OBSL1: variants seen among roughly 807,000 people sequenced by gnomAD.
The protein encoded by OBSL1 is obscurin-like protein 1.
OBSL1 carries 160 observed loss-of-function variants against 172.0 expected under a neutral mutation model. That is an observed-to-expected ratio of 0.93 (90% CI 0.82 to 1.06). OBSL1 has a LOEUF of 1.06. Ranked by LOEUF, OBSL1 falls within the 50% of genes least tolerant of loss-of-function variation. The pLI is 0.00. For missense variants in OBSL1, 2,681 were observed against 2,715.4 expected (o/e 0.99, Z 0.28); for synonymous variants, 1,200 against 1,196.3 (o/e 1.00, Z -0.06).
chr2:219,550,285 C>T, downstream of OBSL1: 1 of 185,372 alleles, frequency 5.4e-6, no homozygotes, highest in Non-Finnish European at 1.1e-5. Flanking sequence ...TACCTTCCTT[C>T]CCATCGCCCT....
chr2:219,549,664 T>C, downstream of OBSL1: 1 of 1,599,822 alleles, frequency 6.3e-7, no homozygotes, highest in Non-Finnish European at 8.5e-7. Context: ...AAGAGGTGGC[T>C]TTTAGGGCAG....
intron 6 of OBSL1, 121 bp downstream of exon 6, chr2:219,565,121 T>C: frequency 9.8e-7 from 1 of 1,024,396 alleles, no homozygotes; most frequent in Non-Finnish European, 1.4e-6. Flanking sequence ...ACATGTCCCC[T>C]GGGCCACTGG....
At position 219,558,062 on chromosome 2, in the gene OBSL1, C is replaced by A. The variant is rs1367873213; in HGVS notation, c.3551G>T (p.Cys1184Phe). 7 of 1,613,586 alleles carry A rather than the reference C, an allele frequency of 4.3e-6. No homozygotes were observed. Among genetic ancestry groups the A allele is most frequent in the Non-Finnish European group, 3.4e-6 (4 of 1,179,882 alleles). ...CACCACTGGCTCCCCAGGGGCCACA[C>A]AGAGCGGGCTTGGAGTTGTCTCTAG... ...LALETTPSPL[C>F]VAPGEPVVLS... Residue 1184 changes from cysteine to phenylalanine, a missense_variant, in exon 11 of 21, where the codon TGT becomes TTT. Transcript: ENST00000404537.
chr2:219,559,377 T>C lies in OBSL1; in HGVS notation c.3074A>G (p.Asp1025Gly), dbSNP rs766102835. ...CTCGCTCTCCTCCACTTCCAGCCCA[T>C]CCTTGTACCAGCGCACAGGGGCATC... ...REDAPVRWYK[D>G]GLEVEESEAL... Residue 1025 changes from aspartate to glycine, a missense_variant, in exon 9 of 21, where the codon GAT becomes GGT. Asp to Gly is a moderately conservative substitution (Grantham distance 94). Around this residue, in one of 5 missense-constraint regions of OBSL1, gnomAD observed 1,765 missense variants for 1,748.3 expected, o/e 1.01. Coordinates refer to ENST00000404537, the MANE Select transcript of OBSL1 (RefSeq NM_015311.3). 3 of 1,613,956 alleles carry C rather than the reference T, an allele frequency of 1.9e-6. No homozygotes were observed. The South Asian group carries it at 3.3e-5, about 18-fold the overall frequency.
rs374217934 is a variant in OBSL1 at position 219,567,474 on chromosome 2, C to T, written c.1636G>A (p.Glu546Lys). Residue 546 changes from glutamate to lysine, a missense_variant, in exon 4 of 21, where the codon GAG (glutamate) becomes AAG (lysine). Physicochemically the swap from Glu to Lys is moderately conservative, Grantham distance 56. This residue lies in a region of OBSL1 where 706 missense variants were observed against 695.8 expected (regional missense o/e 1.01). Transcript: ENST00000404537. ...TCCAGCCGGTAGATGAATGGGGTCT[C>T]GGGAGCTGGCTCGGGAGGCTTCCAG... ...LTWKPPEPAP[E>K]TPFIYRLERQ... 1.1e-4 allele frequency: 175 copies of T among 1,613,450 alleles called. No homozygotes were observed. Among genetic ancestry groups the T allele is most frequent in the Non-Finnish European group, 1.3e-4 (154 of 1,179,716 alleles).
chr2:219,553,008 G>C lies in OBSL1; in HGVS notation c.5006C>G (p.Thr1669Arg), dbSNP rs1695747246. The change falls in exon 17 of 21, where the codon ACG (threonine) becomes AGG (arginine). Residue 1669 changes from threonine (T) to arginine (R), a missense_variant. This residue lies in a region of OBSL1 where 1,765 missense variants were observed against 1,748.3 expected (regional missense o/e 1.01). Coordinates refer to ENST00000404537, the MANE Select transcript of OBSL1 (RefSeq NM_015311.3). ...VTWEKDGNAL[T>R]PSPRLRLQAL... ...CTGGAGCCGGAGCCGCGGGCTAGGC[G>C]TAAGCGCGTTCCCGTCCTAGGGGCG... The C allele has an allele frequency of 6.6e-7, 1 of 1,518,006 alleles. No homozygotes were observed. The highest frequency in any genetic ancestry group is 1.2e-5 in the South Asian group (1 of 81,430). The allele number at this position is 1,518,006 out of a possible 1,614,324, so 94.0% of individuals were successfully genotyped here.
rs75909366 is a variant in OBSL1 at position 219,558,539 on chromosome 2, C to A, written c.3227-80G>T. ...CCTCACCCGCCAGATCCTCAGCCCT[C>A]CCCACTGGCAGCACAGCTCTTGAGA... On this transcript the variant is annotated intron_variant, in intron 9 of 20. Coordinates refer to ENST00000404537, the MANE Select transcript of OBSL1 (RefSeq NM_015311.3). 1.6e-3 allele frequency: 2,256 copies of A among 1,434,944 alleles called. 32 individuals are homozygous for A. The African/African-American group carries it at 0.027, about 17-fold the overall frequency. 88.9% of individuals were successfully genotyped at this position (1,434,944 alleles called of 1,614,324 possible). A position where few individuals can be genotyped will look rare whatever the true frequency, so the allele number is the denominator to read the frequency against.
chr2:219,552,566 G>A lies in OBSL1; in HGVS notation c.5278C>T (p.Pro1760Ser), dbSNP rs762906598. The A allele has an allele frequency of 1.3e-6, 2 of 1,595,880 alleles. No individual in the cohort carries two copies. Among genetic ancestry groups the A allele is most frequent in the East Asian group, 4.5e-5 (2 of 44,638 alleles). Residue 1760 changes from proline (P) to serine (S), a missense_variant, in exon 18 of 21, where the codon CCC becomes TCC. Coordinates refer to ENST00000404537, the MANE Select transcript of OBSL1 (RefSeq NM_015311.3). ...RWELGGRPLR[P>S]GARVRIRQEG... is the part of the protein sequence containing the mutation. ...TGTCGGATGCGGACGCGGGCTCCGG[G>A]TCTCAGCGGGCGGCCTCCGAGCTCC...
chr2:219,553,640 G>A lies in OBSL1; in HGVS notation c.4923C>T (p.Thr1641=), dbSNP rs768061606. ...ACTCGAACGTAGCTGTGTCGCCCTC[G>A]GTCACCTCTAGGTCGTGTGGCCCCC... ...IVRGPHDLEV[T]EGDTATFECE... Residue 1641 remains threonine (T), a synonymous_variant, in exon 16 of 21, where the codon ACC becomes ACT. Coordinates refer to ENST00000404537, the MANE Select transcript of OBSL1 (RefSeq NM_015311.3). 44 of 1,613,704 alleles carry A rather than the reference G, an allele frequency of 2.7e-5. No homozygotes were observed. The Admixed American group carries it at 3.2e-4, about 12-fold the overall frequency.
chr2:219,562,839 C>T (rs560669006), intron 7 of OBSL1, 165 bp from the exon 8 acceptor site: 32 of 715,446 alleles, frequency 4.5e-5, no homozygotes, highest in South Asian at 5.7e-5. Context: ...TAGAGACACA[C>T]GAATACAGCT....
intron 8 of OBSL1, chr2:219,562,072 C>T: frequency 1.4e-6 from 1 of 707,064 alleles, no homozygotes; most frequent in Non-Finnish European, 2.7e-6. Context: ...GTTTGCGACC[C>T]CTGGTTAACA....
chr2:219,548,008 C>A, downstream of OBSL1: 1 of 1,589,706 alleles, frequency 6.3e-7, no homozygotes, highest in Non-Finnish European at 8.5e-7. Context: ...TGCTGGCACT[C>A]TGGCCCCTGC....
rs758587168 is a variant in OBSL1 at position 219,558,184 on chromosome 2, C to T, written c.3502G>A (p.Glu1168Lys). The T allele has an allele frequency of 1.9e-5, 30 of 1,607,820 alleles. No individual in the cohort carries two copies. Among genetic ancestry groups the T allele is most frequent in the Non-Finnish European group, 8.5e-7 (1 of 1,175,294 alleles). ...EAITFNVILA[E>K]PPVQFLALET... ...CCCTGGGTTGGCCAGGAGCACCCAC[C>T]AGCCAGGATGACATTGAAGGTGATG... Residue 1168 changes from glutamate (E) to lysine (K), a missense_variant and splice_region_variant, in exon 10 of 21, where the codon GAG (glutamate) becomes AAG (lysine). Transcript: ENST00000404537.
downstream of OBSL1, chr2:219,549,923 C>G: frequency 6.4e-7 from 1 of 1,569,796 alleles, no homozygotes; most frequent in South Asian, 1.2e-5. Context: ...TAGGCTGCCA[C>G]TCAGCCTCCT....
downstream of OBSL1, chr2:219,547,658 G>T: frequency 1.3e-6 from 2 of 1,534,000 alleles, no homozygotes; most frequent in Non-Finnish European, 8.8e-7. Flanking sequence ...GCTGCTCTGC[G>T]GGCTGGTGGC....
chr2:219,557,451 C>A lies in OBSL1; in HGVS notation c.3958G>T (p.Ala1320Ser). The change falls in exon 12 of 21, where the codon GCC becomes TCC. Residue 1320 changes from alanine to serine, a missense_variant. Transcript: ENST00000404537. ...ACCCGCAGCACCTGCCTGGCCCCGG[C>A]CTGCTCCAGCTGCACCCGCCCCTGG... Reference protein sequence around the residue: ...ASQGRVQLEQAGARQVLRVQG... With the variant: ...ASQGRVQLEQSGARQVLRVQG... 1.9e-6 allele frequency: 3 copies of A among 1,548,700 alleles called. No individual in the cohort carries two copies. Among genetic ancestry groups the A allele is most frequent in the Non-Finnish European group, 2.6e-6 (3 of 1,147,160 alleles).
At position 219,552,871 on chromosome 2, in the gene OBSL1, G is replaced by C; in HGVS notation, c.5143C>G (p.Arg1715Gly). ...CTCCACATCACCCCGTACCCACCGC[G>C]CACGGTCAGGCGGACCGGTCCGGCG... ...ARAGPVRLTVRERTVAVLSEL... is the reference protein window; with the variant it reads ...ARAGPVRLTVGERTVAVLSEL... Residue 1715 changes from arginine to glycine, a missense_variant, in exon 17 of 21, where the codon CGC (arginine) becomes GGC (glycine). Around this residue, in one of 5 missense-constraint regions of OBSL1, gnomAD observed 1,765 missense variants for 1,748.3 expected, o/e 1.01. Transcript: ENST00000404537. 1 of 1,542,594 alleles carries C rather than the reference G, an allele frequency of 6.5e-7. No homozygotes were observed. The highest frequency in any genetic ancestry group is 1.4e-5 in the African/African-American group (1 of 72,376).
At position 219,567,335 on chromosome 2, in the gene OBSL1, A is replaced by T. The variant is rs757609176; in HGVS notation, c.1775T>A (p.Ile592Asn). 3.4e-5 allele frequency: 54 copies of T among 1,610,574 alleles called. No individual in the cohort carries two copies. The highest frequency in any genetic ancestry group is 4.3e-5 in the Non-Finnish European group (51 of 1,177,596). ...ACGGCCATGTCCGCTGACTGTGCAG[A>T]TGCGGAAGCGGTAGTCACCCTCGGA... ...VPSEGDYRFR[I>N]CTVSGHGRSP... The change falls in exon 4 of 21, where the codon ATC (isoleucine) becomes AAC (asparagine). Residue 592 changes from isoleucine to asparagine, a missense_variant. Ile to Asn is a moderately radical substitution (Grantham distance 149). Transcript: ENST00000404537.
chr2:219,547,312 A>G (rs930679232), downstream of OBSL1: 25 of 465,634 alleles, frequency 5.4e-5, 1 homozygote, highest in African/African-American at 5.0e-4. Context: ...ACCAACAGCC[A>G]TATCTCTCTA....
Sources: gnomAD v4.1 joint callset for allele counts on GRCh38, gnomAD v4.1.1 for gene constraint, gnomAD v4.1.1 regional missense constraint, MANE v1.5 for transcripts, NCBI Gene and HGNC (gene_info 2026-07-23, HGNC 2026-07-21) for gene names.